Variants in PM20D1 observed in about 807,000 individuals in gnomAD.
PM20D1 encodes peptidase M20 domain containing 1, also known as N-fatty-acyl-amino acid synthase/hydrolase PM20D1.
PM20D1 carries 53 observed loss-of-function variants against 53.8 expected under a neutral mutation model. The ratio of observed to expected loss-of-function variants is 0.98; its 90% CI spans 0.79 to 1.24. The LOEUF is 1.24. Among genes scored for constraint, PM20D1 ranks in the 50% most tolerant of loss-of-function variants. The probability of loss-of-function intolerance (pLI) is 0.00; values close to 1 mark genes in which losing one functional copy is unlikely to be tolerated. For missense variants in PM20D1, 564 were observed against 616.8 expected, an observed-to-expected ratio of 0.91 and a Z score of 0.91; for synonymous variants, 239 against 241.3, an observed-to-expected ratio of 0.99 and a Z score of 0.09.
At position 205,844,196 on chromosome 1, in the gene PM20D1, T is replaced by C; in HGVS notation, c.598A>G (p.Arg200Gly). 1 of 1,612,628 alleles carries C rather than the reference T, an allele frequency of 6.2e-7. No homozygotes were observed. The highest frequency in any genetic ancestry group is 8.5e-7 in the Non-Finnish European group (1 of 1,179,184). Residue 200 changes from arginine (R) to glycine (G), a missense_variant, in exon 5 of 13, where the codon AGG becomes GGG. Arg to Gly is a moderately radical substitution (Grantham distance 125). Coordinates refer to ENST00000367136, the MANE Select transcript of PM20D1 (RefSeq NM_152491.5). ...DEESSGTGAQ[R>G]ISALLQSRGV... Reference sequence around the variant, plus strand: ...CTTGACTGTAGCAGGGCTGAGATCCTCTGAGCCCCTGTCCCTGATGACTGC... The same window carrying C: ...CTTGACTGTAGCAGGGCTGAGATCCCCTGAGCCCCTGTCCCTGATGACTGC...
intron 11 of PM20D1, among the ~76,000 whole-genome samples, chr1:205,830,969 T>C (rs984974350): frequency 3.9e-5 from 6 of 152,206 alleles, no homozygotes; most frequent in Non-Finnish European, 2.9e-5. Flanking sequence ...AGGTCAGAAA[T>C]AAATACCCTC....
At chr1:205,848,088 C>T in intron 1 of PM20D1, 117 bp from the exon 2 acceptor site, 1 of 921,080 alleles carries the variant, frequency 1.1e-6, no homozygotes, top group Non-Finnish European at 1.7e-6. Flanking sequence ...GAGGGCAAAA[C>T]ACTAATGTGA....
chr1:205,847,843 C>G (rs765604284), intron 2 of PM20D1, 42 bp downstream of exon 2: 1 of 1,164,124 alleles, frequency 8.6e-7, no homozygotes, highest in Non-Finnish European at 1.3e-6. Context: ...GTCTCCATTG[C>G]TATTTCTACC....
In PM20D1 at chr1:205,846,703, C is replaced by A. The variant is rs1339382527; in HGVS notation, c.257-1146G>T. 3.3e-5 allele frequency among the ~76,000 whole-genome samples: 5 copies of A among 152,144 alleles called. No homozygotes were observed. The East Asian group carries it at 7.7e-4, about 23-fold the overall frequency. On this transcript the variant is annotated intron_variant, in intron 2 of 12. Coordinates refer to ENST00000367136, the MANE Select transcript of PM20D1 (RefSeq NM_152491.5). ...TAGCACAAGGTCGTACTTCTGCGTG[C>A]AGGTGTAGATGTTCCTAGGGTCAAT...
intron 10 of PM20D1, among the ~76,000 whole-genome samples, chr1:205,839,588 G>A (rs1223584378): frequency 1.3e-5 from 2 of 151,994 alleles, no homozygotes; most frequent in African/African-American, 4.8e-5. Context: ...GCTCATGTCT[G>A]TAATCCCAAC....
chr1:205,849,721 G>C lies in PM20D1; in HGVS notation c.169+183C>G, dbSNP rs576374858. Reference sequence around the variant, plus strand: ...GTTCCAGGAGCCAGGTATGGGGGAAGTGTGGCGTCCCCAGACAGGGGCACG... The same window carrying C: ...GTTCCAGGAGCCAGGTATGGGGGAACTGTGGCGTCCCCAGACAGGGGCACG... On this transcript the variant is annotated intron_variant, in intron 1 of 12. Transcript: ENST00000367136. Among the ~76,000 whole-genome samples the C allele has an allele frequency of 5.3e-5, 8 of 152,224 alleles. No individual in the cohort carries two copies. The East Asian group carries it at 1.4e-3, about 26-fold the overall frequency.
intron 10 of PM20D1, among the ~76,000 whole-genome samples, chr1:205,837,767 G>A (rs1237606596): frequency 6.6e-6 from 1 of 152,136 alleles, no homozygotes; most frequent in Admixed American, 6.5e-5. Flanking sequence ...GGAGTAGAGA[G>A]GAGGGAAGAG....
At chr1:205,844,064 G>A in intron 5 of PM20D1, 23 bp downstream of exon 5, 1 of 1,596,800 alleles carries the variant, frequency 6.3e-7, no homozygotes, top group South Asian at 1.1e-5. Flanking sequence ...CCTCCAAGGT[G>A]TGGGGTGGGA....
chr1:205,829,450 G>T (rs924020873), intron 12 of PM20D1, among the ~76,000 whole-genome samples: 2 of 152,112 alleles, frequency 1.3e-5, no homozygotes, highest in Non-Finnish European at 1.5e-5. Flanking sequence ...CAACTGCCCA[G>T]GGTGCCTACC....
At chr1:205,830,499 G>A in intron 11 of PM20D1, 120 bp from the exon 12 acceptor site, 2 of 693,586 alleles carry the variant, frequency 2.9e-6, no homozygotes, top group Non-Finnish European at 5.2e-6. Flanking sequence ...CAATGCCTGG[G>A]CTCTCCTGAA....
rs1023436375 is a variant in PM20D1 at position 205,837,637 on chromosome 1, C to T, written c.1116+2615G>A. On this transcript the variant is annotated intron_variant, in intron 10 of 12. Coordinates refer to ENST00000367136, the MANE Select transcript of PM20D1 (RefSeq NM_152491.5). Reference sequence around the variant, plus strand: ...GGGAGAGGAGTAACCAGGACAAATGCGCCCACAAGCTTTCTGAATATGGAG... The same window carrying T: ...GGGAGAGGAGTAACCAGGACAAATGTGCCCACAAGCTTTCTGAATATGGAG... 5.9e-5 allele frequency among the ~76,000 whole-genome samples: 9 copies of T among 152,278 alleles called. No individual in the cohort carries two copies. In the East Asian group the frequency reaches 1.2e-3, roughly 20 times the overall value.
chr1:205,841,967 C>T (rs1656820644), intron 8 of PM20D1, 78 bp from the exon 9 acceptor site: 4 of 1,378,216 alleles, frequency 2.9e-6, no homozygotes, highest in Admixed American at 3.9e-5. Flanking sequence ...TACCCACTTT[C>T]CTGAACCTTG....
At chr1:205,829,119 CT>C (rs1656503580) in intron 12 of PM20D1, among the ~76,000 whole-genome samples, 1 of 152,226 alleles carries the variant, frequency 6.6e-6, no homozygotes, top group South Asian at 2.1e-4. Flanking sequence ...CAGCCTCAAC[CT>C]TCTGGGTTTC....
chr1:205,843,612 G>A, intron 6 of PM20D1, 55 bp downstream of exon 6: 2 of 1,575,008 alleles, frequency 1.3e-6, no homozygotes, highest in Non-Finnish European at 1.7e-6. Context: ...AAGTGGGAAA[G>A]TGCCAGGGCT....
chr1:205,844,374 G>T (rs1172265727), intron 4 of PM20D1, among the ~76,000 whole-genome samples, 157 bp from the exon 5 acceptor site: 1 of 152,196 alleles, frequency 6.6e-6, no homozygotes, highest in Non-Finnish European at 1.5e-5. Flanking sequence ...CTGCCTTACA[G>T]AATTCTGGAA....
intron 8 of PM20D1, 23 bp from the exon 9 acceptor site, chr1:205,841,912 A>G (rs1310382390): frequency 1.3e-6 from 2 of 1,547,984 alleles, no homozygotes; most frequent in Non-Finnish European, 1.8e-6. Flanking sequence ...GACCAAGGTC[A>G]GATGTTAGAA....
rs528278293 is a variant in PM20D1, at chr1:205,828,991, TCTC to T, written c.1386-251_1386-249del. On this transcript the variant is annotated intron_variant, in intron 12 of 12. Coordinates refer to ENST00000367136, the MANE Select transcript of PM20D1 (RefSeq NM_152491.5). ...TAAACTCCTGGGGAGTCCAAAATAATCTCCTGCTCTGAAATCCATTCAATAATT... is the reference window on the plus strand; with the variant it reads ...TAAACTCCTGGGGAGTCCAAAATAATCTGCTCTGAAATCCATTCAATAATT... Among the ~76,000 whole-genome samples the T allele has an allele frequency of 5.9e-5, 9 of 152,244 alleles. No individual in the cohort carries two copies. In the East Asian group the frequency reaches 1.7e-3, roughly 29 times the overall value.
Position 205,830,369 on chromosome 1 carries a change from A to G in PM20D1, c.1296T>C (p.Ile432=), listed in dbSNP as rs115308139. ...EVNITAPVTS[I]GNTDSRFFTN... ...TAAAGAATCGGCTGTCTGTGTTGCC[A>G]ATAGAAGTAACTAGAGAGGGAAGAT... is the stretch of plus-strand genomic sequence containing the variant. Residue 432 remains isoleucine (I), a synonymous_variant, in exon 12 of 13, where the codon ATT becomes ATC. Transcript: ENST00000367136. The G allele has an allele frequency of 4.5e-4, 731 of 1,607,082 alleles. 3 individuals are homozygous for G. The African/African-American group carries it at 8.7e-3, about 19-fold the overall frequency.
chr1:205,843,855 G>A, intron 5 of PM20D1, 69 bp from the exon 6 acceptor site: 1 of 1,572,726 alleles, frequency 6.4e-7, no homozygotes, highest in South Asian at 1.2e-5. Context: ...AGGCCCATAG[G>A]TCCATCTGTG....
Sources: allele counts gnomAD v4.1 joint callset (sites outside exome capture counted in the v4.1 genomes callset), GRCh38; gene constraint gnomAD v4.1.1; transcripts MANE v1.5; gene names NCBI Gene and HGNC (gene_info 2026-07-23, HGNC 2026-07-21).